The following SERPINB10 variants were observed in gnomAD, a reference collection of about 807,000 sequenced individuals.
The protein encoded by SERPINB10 is serpin B10.
In SERPINB10, 35 loss-of-function variants were observed where a neutral mutation model predicts 39.1. The observed-to-expected ratio is 0.90, with a 90% CI of 0.68 to 1.19. SERPINB10 has a LOEUF of 1.19. SERPINB10 is among the 50% of genes most tolerant of loss of function. SERPINB10 has a pLI of 0.00. For synonymous variants in SERPINB10, 190 were observed against 158.1 expected (o/e 1.20, Z -1.52); for missense variants, 546 against 460.5 (o/e 1.19, Z -1.70).
intron 1 of SERPINB10, among the ~76,000 whole-genome samples, chr18:63,912,205 G>A (rs2050070082): frequency 2.6e-5 from 4 of 151,838 alleles, no homozygotes; most frequent in Admixed American, 1.3e-4. Flanking sequence ...GGTTTTGTAA[G>A]TATAGAATTA....
At chr18:63,932,541 A>G (rs922436437) in intron 6 of SERPINB10, among the ~76,000 whole-genome samples, 2 of 152,150 alleles carry the variant, frequency 1.3e-5, no homozygotes, top group African/African-American at 4.8e-5. Context: ...TCTTTTGCCC[A>G]TTTAAAAAAA....
intron 1 of SERPINB10, among the ~76,000 whole-genome samples, chr18:63,910,364 T>C (rs1452070211): frequency 2.0e-5 from 3 of 152,026 alleles, no homozygotes; most frequent in Admixed American, 2.0e-4. Flanking sequence ...AAGGGTATAA[T>C]GTGTGATGCT....
intron 7 of SERPINB10, among the ~76,000 whole-genome samples, chr18:63,934,079 C>A (rs1025338068): frequency 6.6e-6 from 1 of 152,086 alleles, no homozygotes; most frequent in African/African-American, 2.4e-5. Context: ...AAGATACTGT[C>A]ATGTTATTAA....
At chr18:63,915,826 CA>C (rs2050098323) in intron 2 of SERPINB10, 148 bp downstream of exon 2, 1 of 672,826 alleles carries the variant, frequency 1.5e-6, no homozygotes, top group Non-Finnish European at 2.3e-6. Context: ...CATTCTATAC[CA>C]TAAAACAAAT....
rs531942966 is a variant in SERPINB10 at position 63,925,079 on chromosome 18, C to T, written c.491-4966C>T. Among the ~76,000 whole-genome samples, 31 of 151,548 alleles carry T rather than the reference C, an allele frequency of 2.0e-4. No homozygotes were observed. The South Asian group carries it at 6.5e-3, about 32-fold the overall frequency. On this transcript the variant is annotated intron_variant, in intron 5 of 7. Coordinates refer to ENST00000238508, the MANE Select transcript of SERPINB10 (RefSeq NM_005024.3). ...ACTTTATGTTTGTTCTAGGATTAAG[C>T]AAATAAGGAAATATATTGGAAATCA... is the stretch of plus-strand genomic sequence containing the variant.
intron 3 of SERPINB10, 51 bp from the exon 4 acceptor site, chr18:63,917,914 T>C (rs2050115738): frequency 4.5e-6 from 7 of 1,547,328 alleles, no homozygotes; most frequent in Non-Finnish European, 6.2e-6. Context: ...TGCTAACATG[T>C]ACGTAACTCT....
Position 63,915,640 on chromosome 18 carries a change from T to C in SERPINB10, c.130T>C (p.Leu44=), listed in dbSNP as rs138905204. ...SISTSLTIVY[L]GAKGTTAAQM... is the part of the protein sequence containing the mutation. Reference sequence around the variant, plus strand: ...CTCAACTTCCTTGACCATAGTGTATTTGGGCGCCAAAGGTACCACTGCAGC... The same window carrying C: ...CTCAACTTCCTTGACCATAGTGTATCTGGGCGCCAAAGGTACCACTGCAGC... The change falls in exon 2 of 8, where the codon TTG becomes CTG. Residue 44 remains leucine, a synonymous_variant. Coordinates refer to ENST00000238508, the MANE Select transcript of SERPINB10 (RefSeq NM_005024.3). 4.1e-5 allele frequency: 66 copies of C among 1,612,036 alleles called. No individual in the cohort carries two copies. Among genetic ancestry groups the C allele is most frequent in the Non-Finnish European group, 4.9e-5 (58 of 1,178,900 alleles).
chr18:63,918,848 G>T (rs1469913161), intron 4 of SERPINB10, among the ~76,000 whole-genome samples: 1 of 151,944 alleles, frequency 6.6e-6, no homozygotes, highest in East Asian at 1.9e-4. Flanking sequence ...TGATGCAGAA[G>T]TAGGAGACAT....
chr18:63,919,608 G>A (rs1174826138), intron 4 of SERPINB10, among the ~76,000 whole-genome samples, 180 bp from the exon 5 acceptor site: 1 of 151,960 alleles, frequency 6.6e-6, no homozygotes, highest in Admixed American at 6.6e-5. Context: ...GCCCTGCTAA[G>A]TTTGAAGAGT....
intron 1 of SERPINB10, among the ~76,000 whole-genome samples, chr18:63,914,127 T>C (rs1243164929): frequency 1.3e-5 from 2 of 152,132 alleles, no homozygotes; most frequent in East Asian, 3.9e-4. Context: ...TAGCCCTTCC[T>C]CCAACCACTT....
intron 4 of SERPINB10, 121 bp downstream of exon 4, chr18:63,918,223 T>G: frequency 1.0e-6 from 1 of 998,694 alleles, no homozygotes. Flanking sequence ...AGTACTTCCC[T>G]GCAAACAATC....
chr18:63,917,193 T>C (rs1338846043), intron 2 of SERPINB10, among the ~76,000 whole-genome samples: 1 of 152,034 alleles, frequency 6.6e-6, no homozygotes, highest in African/African-American at 2.4e-5. Context: ...GAATTTTACC[T>C]CAAGGTTTTC....
rs2050112938 is a variant in SERPINB10, at chr18:63,917,527, T to A, written c.234+6T>A. On this transcript the variant is annotated splice_donor_region_variant and intron_variant, in intron 3 of 7. Coordinates refer to ENST00000238508, the MANE Select transcript of SERPINB10 (RefSeq NM_005024.3). Reference sequence around the variant, plus strand: ...GTGAAAAAAAAAGGAAAATGGTATATCTTATCCTTTAATATATATTTCATA... The same window carrying A: ...GTGAAAAAAAAAGGAAAATGGTATAACTTATCCTTTAATATATATTTCATA... 2.0e-6 allele frequency: 3 copies of A among 1,482,084 alleles called. No homozygotes were observed. The African/African-American group carries it at 4.3e-5, about 21-fold the overall frequency. The allele number at this position is 1,482,084 out of a possible 1,614,324, so 91.8% of individuals were successfully genotyped here.
At chr18:63,923,746 T>C (rs891103088) in intron 5 of SERPINB10, among the ~76,000 whole-genome samples, 1 of 151,934 alleles carries the variant, frequency 6.6e-6, no homozygotes, top group African/African-American at 2.4e-5. Flanking sequence ...CTTCTTGCCT[T>C]CAGTACTTCC....
chr18:63,917,977 A>C lies in SERPINB10; in HGVS notation c.247A>C (p.Ser83Arg). 1 of 1,611,860 alleles carries C rather than the reference A, an allele frequency of 6.2e-7. No homozygotes were observed. The highest frequency in any genetic ancestry group is 8.5e-7 in the Non-Finnish European group (1 of 1,178,674). The change falls in exon 4 of 8, where the codon AGC becomes CGC. Residue 83 changes from serine to arginine, a missense_variant. Ser to Arg is a moderately radical substitution (Grantham distance 110, BLOSUM62 -1). Coordinates refer to ENST00000238508, the MANE Select transcript of SERPINB10 (RefSeq NM_005024.3). ...TTCTCTTTTAAAGGAATTCAACTTGAGCAACTCGGAAGAAATACACTCTGA... is the reference window on the plus strand; with the variant it reads ...TTCTCTTTTAAAGGAATTCAACTTGCGCAACTCGGAAGAAATACACTCTGA... ...EKKRKMEFNLSNSEEIHSDFQ... is the reference protein window; with the variant it reads ...EKKRKMEFNLRNSEEIHSDFQ...
At chr18:63,910,687 T>C (rs1248512242) in intron 1 of SERPINB10, among the ~76,000 whole-genome samples, 1 of 152,046 alleles carries the variant, frequency 6.6e-6, no homozygotes, top group African/African-American at 2.4e-5. Context: ...GTATTCCTTA[T>C]CCAATCCAAC....
chr18:63,915,774 C>T, intron 2 of SERPINB10, 96 bp downstream of exon 2: 1 of 1,042,080 alleles, frequency 9.6e-7, no homozygotes, highest in Non-Finnish European at 1.4e-6. Flanking sequence ...CAATAATTTA[C>T]ATTTCACAAT....
chr18:63,919,382 C>A (rs1040924791), intron 4 of SERPINB10, among the ~76,000 whole-genome samples: 9 of 151,910 alleles, frequency 5.9e-5, no homozygotes, highest in African/African-American at 2.2e-4. Flanking sequence ...ACCAGTATCA[C>A]AAGCCTCACT....
In SERPINB10 at chr18:63,915,017, T is replaced by C. The variant is rs542241960; in HGVS notation, c.-9-485T>C. ...TGTTTGCATAAATTAAAAATGGTAG[T>C]TACAGCCCAAACCGTGAATATCGTA... On this transcript the variant is annotated intron_variant, in intron 1 of 7. Coordinates refer to ENST00000238508, the MANE Select transcript of SERPINB10 (RefSeq NM_005024.3). 2.6e-5 allele frequency among the ~76,000 whole-genome samples: 4 copies of C among 152,226 alleles called. No homozygotes were observed. In the South Asian group the frequency reaches 8.3e-4, roughly 32 times the overall value.
Sources: allele counts gnomAD v4.1 joint callset (sites outside exome capture counted in the v4.1 genomes callset), GRCh38; gene constraint gnomAD v4.1.1; transcripts MANE v1.5; gene names NCBI Gene and HGNC (gene_info 2026-07-23, HGNC 2026-07-21).